LRSAM1: variants seen among roughly 807,000 people sequenced by gnomAD.
LRSAM1 encodes the protein E3 ubiquitin-protein ligase LRSAM1.
In LRSAM1, 96 loss-of-function variants were observed where a neutral mutation model predicts 118.1. The observed-to-expected ratio is 0.81, with a 90% confidence interval of 0.69 to 0.96. The LOEUF is 0.96. Ranked by LOEUF, LRSAM1 falls within the 40% of genes least tolerant of loss-of-function variation. The pLI is 0.00. For missense variants in LRSAM1, 804 were observed against 915.5 expected, an observed-to-expected ratio of 0.88 and a Z score of 1.57; for synonymous variants, 322 against 364.2, an observed-to-expected ratio of 0.88 and a Z score of 1.32.
chr9:127,455,212 A>G (rs761882657), intron 4 of LRSAM1, among the ~76,000 whole-genome samples, 158 bp downstream of exon 4: 7 of 152,342 alleles, frequency 4.6e-5, no homozygotes, highest in Non-Finnish European at 8.8e-5. Context: ...AAAATAATTG[A>G]AGATGATCCT....
chr9:127,486,359 G>C (rs113964577), intron 17 of LRSAM1: 3 of 174,258 alleles, frequency 1.7e-5, no homozygotes, highest in Admixed American at 5.6e-5. Context: ...TGGCTGCTCT[G>C]GGGTCCGGCT....
At chr9:127,458,152 G>A (rs891401671) in intron 6 of LRSAM1, among the ~76,000 whole-genome samples, 100 of 151,116 alleles carry the variant, frequency 6.6e-4, no homozygotes, top group Middle Eastern at 3.4e-3. Context: ...AGGCCAAGGC[G>A]GGTGGGTCAC....
Position 127,469,889 on chromosome 9 carries a change from CG to C in LRSAM1, c.619+2062del, listed in dbSNP as rs1288012936. ...CTGAAGCAGGAGAATGGCGTGAACCCGGGAGGAGGAGCTTGCAGTGAGCCGA... is the reference window on the plus strand; with the variant it reads ...CTGAAGCAGGAGAATGGCGTGAACCCGGAGGAGGAGCTTGCAGTGAGCCGA... On this transcript the variant is annotated intron_variant, in intron 10 of 25. Transcript: ENST00000300417. Among the ~76,000 whole-genome samples the C allele has an allele frequency of 2.0e-5, 3 of 152,016 alleles. No homozygotes were observed. In the East Asian group the frequency reaches 5.8e-4, roughly 29 times the overall value.
intron 9 of LRSAM1, among the ~76,000 whole-genome samples, chr9:127,464,373 TCCAGAGCGGCGGCCA>T (rs1448811800): frequency 3.7e-5 from 4 of 109,546 alleles, no homozygotes; most frequent in African/African-American, 1.5e-4. Context: ...GACCGTGCTG[TCCAGAGCGGCGGCCA>T]CTGGCCACGT....
intron 15 of LRSAM1, 141 bp from the exon 16 acceptor site, chr9:127,482,809 A>G (rs1438854863): frequency 1.3e-6 from 1 of 745,876 alleles, no homozygotes; most frequent in African/African-American, 1.7e-5. Flanking sequence ...GTTGCTTGTG[A>G]TGCGGTAGGC....
chr9:127,457,792 G>A (rs1309086209), intron 6 of LRSAM1, among the ~76,000 whole-genome samples: 1 of 152,188 alleles, frequency 6.6e-6, no homozygotes, highest in Admixed American at 6.5e-5. Context: ...TGTGGGAGGT[G>A]TGAGCCCAGG....
At chr9:127,484,400 T>C (rs1258072816) in intron 16 of LRSAM1, among the ~76,000 whole-genome samples, 1 of 152,138 alleles carries the variant, frequency 6.6e-6, no homozygotes, top group Non-Finnish European at 1.5e-5. Context: ...TTCCTTGCTC[T>C]GTCACCAGGC....
rs141912153 is a variant in LRSAM1, at chr9:127,482,992, T to A, written c.1131T>A (p.Thr377=). 205 of 1,585,916 alleles carry A rather than the reference T, an allele frequency of 1.3e-4. No individual in the cohort carries two copies. In the African/African-American group the frequency reaches 2.7e-3, roughly 21 times the overall value. Residue 377 remains threonine (T), a synonymous_variant, in exon 16 of 26, where the codon ACT becomes ACA. Transcript: ENST00000300417. The part of the protein sequence containing the change: ...EQLMSITQEE[T]ESLRRRDVAS... ...TGATGTCCATAACCCAGGAGGAGAC[T>A]GAGAGCCTGCGGCGACGTGACGTTG...
At chr9:127,477,621 G>A (rs2249803) in intron 11 of LRSAM1, among the ~76,000 whole-genome samples, 65,557 of 151,872 alleles carry the variant, frequency 0.43, 14,959 homozygotes, top group Non-Finnish European at 0.5. Flanking sequence ...ATGGTGGTGC[G>A]TGCCTGCAGT....
Position 127,454,510 on chromosome 9 carries a change from C to CA in LRSAM1, c.-18_-17insA. 6.2e-7 allele frequency: 1 copy of CA among 1,614,118 alleles called. No individual in the cohort carries two copies. ...CTGTGCCCCAGGGTCCTAAAGATCG[C>CA]TCTGGGAAAAGGGAAGGATGCCGCT... is the stretch of plus-strand genomic sequence containing the variant. On this transcript the variant is annotated 5_prime_UTR_variant, in exon 3 of 26. Coordinates refer to ENST00000300417, the MANE Select transcript of LRSAM1 (RefSeq NM_001005373.4).
intron 6 of LRSAM1, among the ~76,000 whole-genome samples, chr9:127,458,154 G>A (rs1395989109): frequency 6.6e-6 from 1 of 151,772 alleles, no homozygotes; most frequent in African/African-American, 2.4e-5. Flanking sequence ...GCCAAGGCGG[G>A]TGGGTCACTT....
intron 22 of LRSAM1, 54 bp downstream of exon 22, chr9:127,495,472 G>GAGGCACCAC: frequency 1.0e-5 from 15 of 1,497,920 alleles, no homozygotes; most frequent in Non-Finnish European, 1.4e-5. Flanking sequence ...CCTCCTCCCA[G>GAGGCACCAC]AGGCGCCTGT....
chr9:127,483,524 G>A (rs1835616362), intron 16 of LRSAM1, among the ~76,000 whole-genome samples: 1 of 152,044 alleles, frequency 6.6e-6, no homozygotes. Context: ...CATATGCTGT[G>A]GCACTCTGCA....
Position 127,454,539 on chromosome 9 carries a change from C to T in LRSAM1, c.12C>T (p.Phe4=), listed in dbSNP as rs753536686. ...GGGAAAAGGGAAGGATGCCGCTCTT[C>T]TTCCGGAAGCGGAAACCCAGTGAGG... MPL[F]FRKRKPSEEA... Residue 4 remains phenylalanine, a synonymous_variant, in exon 3 of 26, where the codon TTC becomes TTT. Coordinates refer to ENST00000300417, the MANE Select transcript of LRSAM1 (RefSeq NM_001005373.4). The T allele has an allele frequency of 5.0e-6, 8 of 1,614,128 alleles. No individual in the cohort carries two copies. The highest frequency in any genetic ancestry group is 6.8e-6 in the Non-Finnish European group (8 of 1,180,046).
At chr9:127,462,984 T>A (rs1272750087) in intron 9 of LRSAM1, among the ~76,000 whole-genome samples, 1 of 151,886 alleles carries the variant, frequency 6.6e-6, no homozygotes, top group Non-Finnish European at 1.5e-5. Flanking sequence ...TCACTTGAGG[T>A]TAGGAGTTCG....
chr9:127,485,964 G>A (rs957375794), intron 17 of LRSAM1, 129 bp downstream of exon 17: 1 of 805,496 alleles, frequency 1.2e-6, no homozygotes, highest in African/African-American at 1.7e-5. Flanking sequence ...CTGCTGTTAG[G>A]GGCAAGTGAT....
chr9:127,495,849 A>ATGTATT, intron 22 of LRSAM1, 115 bp from the exon 23 acceptor site: 1 of 1,482,710 alleles, frequency 6.7e-7, no homozygotes, highest in South Asian at 1.2e-5. Context: ...TTGTAGGAAA[A>ATGTATT]ATCCCGAGTA....
chr9:127,501,906 A>G (rs1398114821), intron 25 of LRSAM1, among the ~76,000 whole-genome samples: 1 of 152,248 alleles, frequency 6.6e-6, no homozygotes. Flanking sequence ...GACTCATGCC[A>G]TGATATGGAT....
chr9:127,494,587 A>G (rs1043151015), intron 21 of LRSAM1, among the ~76,000 whole-genome samples: 3 of 152,206 alleles, frequency 2.0e-5, no homozygotes, highest in African/African-American at 7.2e-5. Context: ...TTGTTTGTTC[A>G]CTGCTGTATT....
Sources: allele counts gnomAD v4.1 joint callset (sites outside exome capture counted in the v4.1 genomes callset), GRCh38; gene constraint gnomAD v4.1.1; transcripts MANE v1.5; gene names NCBI Gene and HGNC (gene_info 2026-07-23, HGNC 2026-07-21).